Variants in ANXA13 observed in about 807,000 individuals in gnomAD.
The protein encoded by ANXA13 is annexin XIII.
A neutral mutation model predicts 46.6 loss-of-function variants in ANXA13; 36 were observed. That is an observed-to-expected ratio of 0.77 (90% CI 0.59 to 1.02). The LOEUF (loss-of-function observed/expected upper bound fraction) is 1.02. Ranked by LOEUF, ANXA13 falls within the 50% of genes least tolerant of loss-of-function variation. The pLI, the probability that ANXA13 is intolerant of heterozygous loss-of-function variation, is 0.00. For missense variants in ANXA13, 417 were observed against 396.5 expected (o/e 1.05, Z -0.44); for synonymous variants, 163 against 152.9 (o/e 1.07, Z -0.49).
At chr8:123,705,831 A>AG (rs1415562785) in intron 2 of ANXA13, among the ~76,000 whole-genome samples, 2 of 152,158 alleles carry the variant, frequency 1.3e-5, no homozygotes, top group Non-Finnish European at 2.9e-5. Context: ...GATGGGGTAG[A>AG]GAAAAAAAAG....
chr8:123,712,773 A>G lies in ANXA13; in HGVS notation c.16-20T>C. 6.2e-7 allele frequency: 1 copy of G among 1,610,794 alleles called. No individual in the cohort carries two copies. Among genetic ancestry groups the G allele is most frequent in the Non-Finnish European group, 8.5e-7 (1 of 1,176,982 alleles). The stretch of plus-strand genomic sequence containing the variant: ...TTTAGCCTGGAGAAAATAATTGAAA[A>G]GGTGAGATGACAATATACGCATTCC... On this transcript the variant is annotated intron_variant, in intron 1 of 10. Coordinates refer to ENST00000419625, the MANE Select transcript of ANXA13 (RefSeq NM_004306.4).
At chr8:123,716,424 C>G (rs1203476978) in intron 1 of ANXA13, among the ~76,000 whole-genome samples, 1 of 152,124 alleles carries the variant, frequency 6.6e-6, no homozygotes, top group Non-Finnish European at 1.5e-5. Context: ...CCACCATCAG[C>G]AGGGCAGGTT....
chr8:123,697,099 G>A (rs1034251814), intron 4 of ANXA13, among the ~76,000 whole-genome samples: 10 of 152,114 alleles, frequency 6.6e-5, no homozygotes, highest in Admixed American at 2.0e-4. Flanking sequence ...TAGTAGAGAC[G>A]GGGTTTCATC....
chr8:123,715,866 C>T (rs570994091), intron 1 of ANXA13, among the ~76,000 whole-genome samples: 24 of 152,254 alleles, frequency 1.6e-4, no homozygotes, highest in East Asian at 7.7e-4. Context: ...ATCCCCTTCC[C>T]GTTTTAGGGA....
intron 1 of ANXA13, among the ~76,000 whole-genome samples, chr8:123,714,132 A>T (rs1050809945): frequency 6.6e-6 from 1 of 152,140 alleles, no homozygotes; most frequent in African/African-American, 2.4e-5. Context: ...CTCAGTGGGT[A>T]TGTTGCCTTT....
intron 8 of ANXA13, among the ~76,000 whole-genome samples, chr8:123,691,612 C>G (rs1813244342): frequency 1.3e-5 from 2 of 152,154 alleles, no homozygotes; most frequent in African/African-American, 4.8e-5. Flanking sequence ...GTTTGGGAAA[C>G]CGAGGCACAG....
intron 1 of ANXA13, among the ~76,000 whole-genome samples, chr8:123,726,816 A>G (rs145738376): frequency 6.6e-6 from 1 of 152,252 alleles, no homozygotes; most frequent in East Asian, 1.9e-4. Flanking sequence ...ATGCCCATCA[A>G]TCAATGAGTG....
chr8:123,703,453 T>C (rs10808528), intron 2 of ANXA13, among the ~76,000 whole-genome samples: 73,491 of 152,014 alleles, frequency 0.48, 18,273 homozygotes, highest in African/African-American at 0.59. Context: ...GTGAGTATAA[T>C]AAAAACTGTT....
At chr8:123,699,104 G>T (rs1299021884) in intron 3 of ANXA13, among the ~76,000 whole-genome samples, 1 of 152,170 alleles carries the variant, frequency 6.6e-6, no homozygotes, top group Non-Finnish European at 1.5e-5. Flanking sequence ...CCGTTATCTC[G>T]CTAAATCCTG....
At chr8:123,688,642 G>A (rs954884081) in intron 9 of ANXA13, among the ~76,000 whole-genome samples, 4 of 152,126 alleles carry the variant, frequency 2.6e-5, no homozygotes, top group Middle Eastern at 3.2e-3. Context: ...GGGTGCAAAA[G>A]CCTGGCCCCC....
At chr8:123,703,371 T>C (rs1813482062) in intron 2 of ANXA13, among the ~76,000 whole-genome samples, 1 of 152,180 alleles carries the variant, frequency 6.6e-6, no homozygotes, top group African/African-American at 2.4e-5. Context: ...GGATGGTAGC[T>C]GGAGTCCAGG....
Position 123,681,140 on chromosome 8 carries a change from C to CT in ANXA13, c.*99dup, listed in dbSNP as rs1359641132. ...GCTGCCAAGAAAGTAATCCGGGACT[C>CT]TTAAGGGTTTTCGTGCGGGAGTCTC... On this transcript the variant is annotated 3_prime_UTR_variant, in exon 11 of 11. Coordinates refer to ENST00000419625, the MANE Select transcript of ANXA13 (RefSeq NM_004306.4). 2.0e-6 allele frequency: 3 copies of CT among 1,464,696 alleles called. No individual in the cohort carries two copies. Among genetic ancestry groups the CT allele is most frequent in the Non-Finnish European group, 2.7e-6 (3 of 1,093,574 alleles). The allele number at this position is 1,464,696 out of a possible 1,614,324, so 90.7% of individuals were successfully genotyped here.
At chr8:123,735,723 C>T (rs777466725) in intron 1 of ANXA13, 2 of 1,596,976 alleles carry the variant, frequency 1.3e-6, no homozygotes, top group Non-Finnish European at 1.7e-6. Context: ...AGGGGTCATA[C>T]CTATGATTTG....
intron 1 of ANXA13, 120 bp from the exon 2 acceptor site, chr8:123,712,873 T>C: frequency 1.2e-6 from 1 of 823,544 alleles, no homozygotes; most frequent in South Asian, 1.5e-5. Context: ...CAGCTGTCAC[T>C]TCACACACTG....
chr8:123,681,706 CT>C lies in ANXA13; in HGVS notation c.832-348del, dbSNP rs1157433565. On this transcript the variant is annotated intron_variant, in intron 10 of 10. Transcript: ENST00000419625. The stretch of plus-strand genomic sequence containing the variant: ...TGGTGCAGTCTCGGCTCACTGCAAT[CT>C]CCGCCTCCTGGGTTCAAGCAATTGT... Among the ~76,000 whole-genome samples the C allele has an allele frequency of 1.4e-4, 21 of 146,982 alleles. 1 individual carries two copies. In the East Asian group the frequency reaches 4.3e-3, roughly 30 times the overall value.
chr8:123,691,640 A>G (rs896466058), intron 8 of ANXA13, among the ~76,000 whole-genome samples: 3 of 152,220 alleles, frequency 2.0e-5, no homozygotes, highest in African/African-American at 7.2e-5. Flanking sequence ...AATAACTTGC[A>G]CAAGGACATA....
chr8:123,711,976 C>G (rs1378538546), intron 2 of ANXA13: 1 of 152,606 alleles, frequency 6.6e-6, no homozygotes, highest in Non-Finnish European at 1.5e-5. Flanking sequence ...AATTCCCCAC[C>G]ATCTCCTAGG....
chr8:123,726,922 A>C (rs1814010582), intron 1 of ANXA13, among the ~76,000 whole-genome samples: 1 of 152,254 alleles, frequency 6.6e-6, no homozygotes, highest in Admixed American at 6.5e-5. Flanking sequence ...ATGGGATCGG[A>C]GAATACTATT....
intron 1 of ANXA13, among the ~76,000 whole-genome samples, chr8:123,723,162 C>T (rs962738104): frequency 2.6e-5 from 4 of 152,148 alleles, no homozygotes; most frequent in Non-Finnish European, 5.9e-5. Flanking sequence ...GTTTGATTCC[C>T]AAGGGGCCCA....
Sources: allele counts gnomAD v4.1 joint callset (sites outside exome capture counted in the v4.1 genomes callset), GRCh38; gene constraint gnomAD v4.1.1; transcripts MANE v1.5; gene names NCBI Gene and HGNC (gene_info 2026-07-23, HGNC 2026-07-21).